Variants in TENM2 observed in about 807,000 individuals in gnomAD.
TENM2 encodes teneurin transmembrane protein 2, also known as teneurin-2.
A neutral mutation model predicts 245.2 loss-of-function variants in TENM2; 52 were observed. That is an observed-to-expected ratio of 0.21 (90% CI 0.17 to 0.27). The LOEUF (loss-of-function observed/expected upper bound fraction) is 0.27. Among genes scored for constraint, TENM2 ranks in the 10% least tolerant of loss-of-function variants. TENM2 has a pLI of 1.00. For synonymous variants in TENM2, 1,363 were observed against 1,438.9 expected (o/e 0.95, Z 1.19); for missense variants, 3,046 against 3,666.8 (o/e 0.83, Z 4.37).
intron 2 of TENM2, among the ~76,000 whole-genome samples, chr5:167,628,959 C>A (rs1489170477): frequency 6.6e-6 from 1 of 152,096 alleles, no homozygotes; most frequent in Non-Finnish European, 1.5e-5. Flanking sequence ...TGGCCACAGT[C>A]AAATCTGGAA....
the TENM2 span, among the ~76,000 whole-genome samples, chr5:167,022,429 G>A: frequency 0.033 from 5,075 of 152,232 alleles, 276 homozygotes; most frequent in African/African-American, 0.11. Flanking sequence ...TAAATAACCA[G>A]TAACTTTTTA....
At chr5:168,012,846 A>G (rs2019072) in intron 5 of TENM2, among the ~76,000 whole-genome samples, 9,518 of 150,408 alleles carry the variant, frequency 0.063, 580 homozygotes, top group African/African-American at 0.15. Flanking sequence ...CTTACTAGCT[A>G]GATGTCCAAG....
At chr5:167,755,056 G>T in intron 2 of TENM2, 1 of 1,597,546 alleles carries the variant, frequency 6.3e-7, no homozygotes. Flanking sequence ...TTACGCCGAT[G>T]GTGAGCCCAC....
Position 168,218,510 on chromosome 5 carries a change from A to T in TENM2, c.4619A>T (p.Asp1540Val). 2 of 1,614,044 alleles carry T rather than the reference A, an allele frequency of 1.2e-6. No individual in the cohort carries two copies. Among genetic ancestry groups the T allele is most frequent in the East Asian group, 2.2e-5 (1 of 44,886 alleles). ...TCAGGAGATGATGCCTACGCGACTG[A>T]TGCCATCTTGAATTCCCCATCATCC... The change falls in exon 23 of 29, where the codon GAT (aspartate) becomes GTT (valine). Residue 1540 changes from aspartate (D) to valine (V), a missense_variant. Around this residue, in one of 2 missense-constraint regions of TENM2, gnomAD observed 2,704 missense variants for 3,331.9 expected, o/e 0.81. Coordinates refer to ENST00000518659, the Ensembl canonical transcript of TENM2. This position sits in a 1 kb window ranked among gnomAD's most constrained non-coding sequence, Gnocchi z 5.2.
chr5:167,717,156 A>G (rs983798000), intron 2 of TENM2, among the ~76,000 whole-genome samples: 1 of 151,928 alleles, frequency 6.6e-6, no homozygotes, highest in African/African-American at 2.4e-5. Context: ...GGGTTTCACC[A>G]TGTTGGCCAG....
chr5:167,317,663 A>T (rs1395642140), intron 1 of TENM2, among the ~76,000 whole-genome samples: 1 of 152,196 alleles, frequency 6.6e-6, no homozygotes, highest in African/African-American at 2.4e-5. Context: ...ATCAGGCCAC[A>T]TTCATCGCAT....
chr5:167,597,431 C>G (rs1489952294), intron 2 of TENM2, among the ~76,000 whole-genome samples: 1 of 152,190 alleles, frequency 6.6e-6, no homozygotes, highest in Non-Finnish European at 1.5e-5. Flanking sequence ...ATCTGCCTGC[C>G]TCAGCCTCCC....
chr5:167,060,025 G>T, the TENM2 span, among the ~76,000 whole-genome samples: 1 of 151,900 alleles, frequency 6.6e-6, no homozygotes, highest in South Asian at 2.1e-4. Context: ...TTTCTATATA[G>T]AATTTCAACT....
chr5:166,996,114 C>T, the TENM2 span, among the ~76,000 whole-genome samples: 2 of 151,972 alleles, frequency 1.3e-5, no homozygotes, highest in South Asian at 2.1e-4. Context: ...GAGGCCGAGG[C>T]GGACAGATCA....
intron 2 of TENM2, among the ~76,000 whole-genome samples, chr5:167,725,359 A>T (rs1299997345): frequency 6.6e-6 from 1 of 152,194 alleles, no homozygotes; most frequent in Non-Finnish European, 1.5e-5. Flanking sequence ...TTGAAAGCCT[A>T]TGTGAATACC....
At chr5:167,945,941 GT>G (rs1428267695) in intron 3 of TENM2, among the ~76,000 whole-genome samples, 2 of 152,220 alleles carry the variant, frequency 1.3e-5, no homozygotes, top group East Asian at 3.9e-4. Flanking sequence ...CCCCCTTCTT[GT>G]TTCTCCTCCA....
At chr5:167,557,704 G>A (rs1773341846) in intron 2 of TENM2, among the ~76,000 whole-genome samples, 1 of 152,064 alleles carries the variant, frequency 6.6e-6, no homozygotes, top group South Asian at 2.1e-4. Context: ...GGGGACATTA[G>A]ACAATCTCTA....
At chr5:167,366,055 CACAG>C (rs1760031248) in intron 1 of TENM2, among the ~76,000 whole-genome samples, 1 of 151,596 alleles carries the variant, frequency 6.6e-6, no homozygotes, top group African/African-American at 2.4e-5. Context: ...TAAAAACATA[CACAG>C]ACAGTAGGTA....
chr5:168,162,685 A>G lies in TENM2; in HGVS notation c.2497A>G (p.Thr833Ala), dbSNP rs773176781. The change falls in exon 13 of 29, where the codon ACC becomes GCC. Residue 833 changes from threonine to alanine, a missense_variant. Around this residue, in one of 2 missense-constraint regions of TENM2, gnomAD observed 2,704 missense variants for 3,331.9 expected, o/e 0.81. Transcript: ENST00000518659. ...GAACAGCTGGCAGTGTGTCTGCCAGACCGGCTGGAGAGGGCCCGGATGCAA... is the reference window on the plus strand; with the variant it reads ...GAACAGCTGGCAGTGTGTCTGCCAGGCCGGCTGGAGAGGGCCCGGATGCAA... 3.7e-6 allele frequency: 6 copies of G among 1,613,904 alleles called. No homozygotes were observed. The African/African-American group carries it at 8.0e-5, about 22-fold the overall frequency.
intron 1 of TENM2, among the ~76,000 whole-genome samples, chr5:167,321,219 A>T (rs1756698514): frequency 6.6e-6 from 1 of 152,182 alleles, no homozygotes; most frequent in African/African-American, 2.4e-5. Context: ...AAAAAAAGAT[A>T]ATCCAAGAGT....
At chr5:167,452,706 T>C (rs2127477209) in intron 2 of TENM2, among the ~76,000 whole-genome samples, 1 of 151,454 alleles carries the variant, frequency 6.6e-6, no homozygotes, top group South Asian at 2.1e-4. Flanking sequence ...CAGATTCTTA[T>C]TAACACACAC....
intron 2 of TENM2, among the ~76,000 whole-genome samples, chr5:167,599,318 C>G (rs1204689605): frequency 6.6e-6 from 1 of 152,048 alleles, no homozygotes; most frequent in Non-Finnish European, 1.5e-5. Flanking sequence ...CAAACAAATG[C>G]AGATTCCCAA....
At chr5:168,112,740 T>C (rs544624777) in intron 9 of TENM2, among the ~76,000 whole-genome samples, 31 of 152,118 alleles carry the variant, frequency 2.0e-4, no homozygotes, top group Non-Finnish European at 4.0e-4. Context: ...CAAAAGCCAG[T>C]GGGGTTGCCT....
chr5:167,303,019 T>C (rs2127739427), intron 1 of TENM2: 1 of 152,368 alleles, frequency 6.6e-6, no homozygotes, highest in Admixed American at 6.5e-5. Context: ...GGAATTGAAA[T>C]TAAGAGAAGG....
Sources: allele counts gnomAD v4.1 joint callset (sites outside exome capture counted in the v4.1 genomes callset), GRCh38; gene constraint gnomAD v4.1.1; regional missense constraint gnomAD v4.1.1; non-coding constraint Gnocchi (gnomAD v3.1); transcripts MANE v1.5; gene names NCBI Gene and HGNC (gene_info 2026-07-23, HGNC 2026-07-21).